TRERF1: variants seen among roughly 807,000 people sequenced by gnomAD.
The protein encoded by TRERF1 is transcriptional-regulating factor 1.
A neutral mutation model predicts 122.9 loss-of-function variants in TRERF1; 27 were observed. The ratio of observed to expected loss-of-function variants is 0.22; its 90% CI spans 0.16 to 0.30. The LOEUF is 0.30. Among genes scored for constraint, TRERF1 ranks in the 10% least tolerant of loss-of-function variants. The probability of loss-of-function intolerance (pLI) is 1.00; values close to 1 mark genes in which losing one functional copy is unlikely to be tolerated. For synonymous variants in TRERF1, 636 were observed against 641.7 expected, an observed-to-expected ratio of 0.99 and a Z score of 0.13; for missense variants, 1,248 against 1,560.3, an observed-to-expected ratio of 0.80 and a Z score of 3.37.
intron 4 of TRERF1, among the ~76,000 whole-genome samples, chr6:42,282,141 G>T (rs1782412910): frequency 6.6e-6 from 1 of 152,202 alleles, no homozygotes; most frequent in African/African-American, 2.4e-5. Flanking sequence ...TGTGTATGCT[G>T]CAGTATTGCT....
At chr6:42,390,826 C>G (rs957368436) in intron 2 of TRERF1, among the ~76,000 whole-genome samples, 2 of 152,194 alleles carry the variant, frequency 1.3e-5, no homozygotes, top group Non-Finnish European at 2.9e-5. Context: ...AAGTGGCTTA[C>G]AGCTGGGGGC....
chr6:42,233,066 C>T, intron 16 of TRERF1, 138 bp from the exon 17 acceptor site: 1 of 892,064 alleles, frequency 1.1e-6, no homozygotes. Context: ...AATACCACAA[C>T]CACAGATCCT....
At chr6:42,359,324 A>G (rs1158183702) in intron 3 of TRERF1, among the ~76,000 whole-genome samples, 1 of 152,214 alleles carries the variant, frequency 6.6e-6, no homozygotes, top group African/African-American at 2.4e-5. Context: ...AATCCCAGTG[A>G]TCCGAAAATC....
At chr6:42,376,294 G>A (rs1222503133) in intron 2 of TRERF1, among the ~76,000 whole-genome samples, 1 of 152,218 alleles carries the variant, frequency 6.6e-6, no homozygotes, top group African/African-American at 2.4e-5. Context: ...ATGCCTTGGA[G>A]AGGCTAAGTC....
chr6:42,267,259 A>G (rs1372548737), intron 5 of TRERF1, among the ~76,000 whole-genome samples: 1 of 152,192 alleles, frequency 6.6e-6, no homozygotes, highest in Non-Finnish European at 1.5e-5. Flanking sequence ...GTTTGAGCCC[A>G]GGAGTTCAAG....
At chr6:42,267,739 G>A (rs1174170725) in intron 5 of TRERF1, among the ~76,000 whole-genome samples, 2 of 152,232 alleles carry the variant, frequency 1.3e-5, no homozygotes, top group African/African-American at 2.4e-5. Flanking sequence ...GCTGTTCTGA[G>A]CAATATACTT....
At chr6:42,417,305 C>T (rs1354392752) in intron 2 of TRERF1, among the ~76,000 whole-genome samples, 3 of 151,412 alleles carry the variant, frequency 2.0e-5, no homozygotes, top group Non-Finnish European at 4.4e-5. Flanking sequence ...TTTTTCTGAG[C>T]CTTCACCAGC....
At chr6:42,246,295 G>T (rs1044838118) in intron 14 of TRERF1, among the ~76,000 whole-genome samples, 161 bp downstream of exon 14, 6 of 152,024 alleles carry the variant, frequency 3.9e-5, no homozygotes. Flanking sequence ...TCCTAACACT[G>T]GGGCCATACC....
At chr6:42,233,818 T>G (rs1771412922) in intron 16 of TRERF1, among the ~76,000 whole-genome samples, 1 of 152,198 alleles carries the variant, frequency 6.6e-6, no homozygotes, top group Non-Finnish European at 1.5e-5. Context: ...GAATCCAGTT[T>G]GAAAGACAGT....
At chr6:42,405,006 G>C (rs1261767258) in intron 2 of TRERF1, among the ~76,000 whole-genome samples, 1 of 152,194 alleles carries the variant, frequency 6.6e-6, no homozygotes, top group Non-Finnish European at 1.5e-5. Flanking sequence ...GGGCTGGATA[G>C]GGTTCAAAGT....
At chr6:42,258,740 A>AT (rs370546940) in intron 9 of TRERF1, among the ~76,000 whole-genome samples, 2,623 of 145,378 alleles carry the variant, frequency 0.018, 32 homozygotes, top group Middle Eastern at 0.072. Context: ...ACATCCCGTT[A>AT]TTTTTTTTTT....
rs539205473 is a variant in TRERF1 at position 42,236,277 on chromosome 6, C to T, written c.2994G>A (p.Thr998=). 126 of 1,612,710 alleles carry T rather than the reference C, an allele frequency of 7.8e-5. No individual in the cohort carries two copies. Among genetic ancestry groups the T allele is most frequent in the South Asian group, 7.5e-4 (68 of 90,762 alleles). The change falls in exon 16 of 18, where the codon ACG becomes ACA. Residue 998 remains threonine, a synonymous_variant. Transcript: ENST00000372922. ...CCAGGGCCTGCAGGGGCGGCCCCTC[C>T]GTGGGAGCCAGGACGGGGACGGGTG...
chr6:42,351,711 G>A (rs186199775), intron 3 of TRERF1, among the ~76,000 whole-genome samples: 73 of 152,200 alleles, frequency 4.8e-4, no homozygotes, highest in African/African-American at 1.7e-3. Context: ...GTATCTAGGT[G>A]GTGCCATATA....
At chr6:42,426,891 T>C (rs564595470) in intron 2 of TRERF1, among the ~76,000 whole-genome samples, 3 of 152,332 alleles carry the variant, frequency 2.0e-5, no homozygotes, top group African/African-American at 4.8e-5. Flanking sequence ...ATAATACTTA[T>C]TGAATTAATA....
At chr6:42,371,380 T>C (rs1562082195) in intron 2 of TRERF1, among the ~76,000 whole-genome samples, 1 of 152,158 alleles carries the variant, frequency 6.6e-6, no homozygotes, top group Admixed American at 6.6e-5. Flanking sequence ...TGATCTACCC[T>C]TCCAGTGTCT....
intron 4 of TRERF1, among the ~76,000 whole-genome samples, chr6:42,273,127 A>C (rs1780546989): frequency 6.6e-6 from 1 of 152,020 alleles, no homozygotes; most frequent in African/African-American, 2.4e-5. Context: ...CTCTGACCCC[A>C]ATCCCCAAGT....
chr6:42,266,047 A>G (rs1779107096), intron 5 of TRERF1, among the ~76,000 whole-genome samples: 1 of 152,040 alleles, frequency 6.6e-6, no homozygotes, highest in Admixed American at 6.5e-5. Flanking sequence ...CAAGCCCACC[A>G]GGATGCAACT....
intron 1 of TRERF1, among the ~76,000 whole-genome samples, 105 bp downstream of exon 1, chr6:42,451,569 G>A (rs186267690): frequency 9.0e-4 from 137 of 151,678 alleles, no homozygotes; most frequent in Admixed American, 9.2e-4. Context: ...CTCTCCATAT[G>A]CATTCAGCCT....
chr6:42,366,046 C>T (rs1458244013), intron 2 of TRERF1, among the ~76,000 whole-genome samples: 1 of 152,154 alleles, frequency 6.6e-6, no homozygotes, highest in African/African-American at 2.4e-5. Flanking sequence ...GTCCATGCAC[C>T]CCGTCAAGGT....
Sources: gnomAD v4.1 joint callset for allele counts (sites outside exome capture counted in the v4.1 genomes callset) on GRCh38, gnomAD v4.1.1 for gene constraint, MANE v1.5 for transcripts, NCBI Gene and HGNC (gene_info 2026-07-23, HGNC 2026-07-21) for gene names.